The following NBEA variants were observed in gnomAD, a reference collection of about 807,000 sequenced individuals.
NBEA encodes the protein lysosomal-trafficking regulator 2.
NBEA carries 44 observed loss-of-function variants against 343.4 expected under a neutral mutation model. The observed-to-expected ratio is 0.13, with a 90% confidence interval of 0.10 to 0.16. The LOEUF (loss-of-function observed/expected upper bound fraction) is 0.16, where lower values mean the gene tolerates loss of function less well. NBEA is among the 10% of genes least tolerant of loss of function. NBEA has a pLI of 1.00. For missense variants in NBEA, 2,555 were observed against 3,631.3 expected, an observed-to-expected ratio of 0.70 and a Z score of 7.62; for synonymous variants, 1,175 against 1,238.7, an observed-to-expected ratio of 0.95 and a Z score of 1.08.
At chr13:35,560,836 GC>G (rs1192631276) in intron 44 of NBEA, among the ~76,000 whole-genome samples, 1 of 152,136 alleles carries the variant, frequency 6.6e-6, no homozygotes, top group African/African-American at 2.4e-5. Flanking sequence ...AACACCACCA[GC>G]CATGAACACC....
At chr13:35,099,921 T>A (rs982233705) in intron 11 of NBEA, among the ~76,000 whole-genome samples, 1 of 152,140 alleles carries the variant, frequency 6.6e-6, no homozygotes, top group African/African-American at 2.4e-5. Context: ...AATACCTATG[T>A]CTTTTATTAG....
At chr13:35,372,198 G>A (rs984659176) in intron 38 of NBEA, among the ~76,000 whole-genome samples, 19 of 152,130 alleles carry the variant, frequency 1.2e-4, no homozygotes, top group Non-Finnish European at 2.9e-5. Flanking sequence ...TATGAGTGAT[G>A]GTAATAATAA....
In NBEA at chr13:35,587,313, A is replaced by G. The variant is rs113240935; in HGVS notation, c.7176+3275A>G. On this transcript the variant is annotated intron_variant, in intron 46 of 58. Transcript: ENST00000379939. ...TAAGCTACACAGTCAATTTGAGTTC[A>G]TCAGGTTAGTCCACATGGAACTCTC... 5.1e-3 allele frequency among the ~76,000 whole-genome samples: 780 copies of G among 152,336 alleles called. 5 individuals carry two copies. The highest frequency in any genetic ancestry group is 0.018 in the African/African-American group (744 of 41,566).
intron 47 of NBEA, among the ~76,000 whole-genome samples, chr13:35,598,941 T>G (rs2081926131): frequency 6.6e-6 from 1 of 152,182 alleles, no homozygotes; most frequent in Non-Finnish European, 1.5e-5. Flanking sequence ...CTTCCTGAGT[T>G]CATCTCTCTC....
chr13:35,200,093 A>G (rs1424710900), intron 31 of NBEA, among the ~76,000 whole-genome samples: 1 of 152,018 alleles, frequency 6.6e-6, no homozygotes, highest in African/African-American at 2.4e-5. Context: ...GCAGAGAGAA[A>G]TATTTATGAT....
chr13:35,020,052 T>A lies in NBEA; in HGVS notation c.295-20881T>A, dbSNP rs531572214. 1.5e-4 allele frequency among the ~76,000 whole-genome samples: 23 copies of A among 152,250 alleles called. No individual in the cohort carries two copies. In the South Asian group the frequency reaches 4.1e-3, roughly 27 times the overall value. On this transcript the variant is annotated intron_variant, in intron 1 of 58. Transcript: ENST00000379939. ...TAGTTATATTTTTTCTTTGACTTATTTTGAGTATAACATGCTCTTCTTTTA... is the reference window on the plus strand; with the variant it reads ...TAGTTATATTTTTTCTTTGACTTATATTGAGTATAACATGCTCTTCTTTTA...
intron 49 of NBEA, among the ~76,000 whole-genome samples, chr13:35,634,762 A>AT (rs1417577568): frequency 6.6e-6 from 1 of 152,178 alleles, no homozygotes; most frequent in Admixed American, 6.5e-5. Flanking sequence ...AAAATGTGGC[A>AT]TTTTTAGTCT....
At chr13:35,253,924 A>C (rs1395513181) in intron 34 of NBEA, among the ~76,000 whole-genome samples, 1 of 152,122 alleles carries the variant, frequency 6.6e-6, no homozygotes, top group Non-Finnish European at 1.5e-5. Flanking sequence ...TGAAGTTATG[A>C]AGTTCTTTCG....
intron 38 of NBEA, among the ~76,000 whole-genome samples, chr13:35,390,214 C>T (rs113029290): frequency 6.6e-6 from 1 of 151,880 alleles, no homozygotes; most frequent in African/African-American, 2.4e-5. Context: ...GGAAGTGGGA[C>T]TTAAGACCTA....
chr13:35,546,700 G>A (rs906339390), intron 41 of NBEA, among the ~76,000 whole-genome samples: 7 of 151,872 alleles, frequency 4.6e-5, no homozygotes, highest in Non-Finnish European at 7.4e-5. Flanking sequence ...TTACAGGCAT[G>A]TGCAACCATG....
At chr13:35,120,082 A>G (rs1048917789) in intron 16 of NBEA, among the ~76,000 whole-genome samples, 1 of 152,218 alleles carries the variant, frequency 6.6e-6, no homozygotes, top group African/African-American at 2.4e-5. Flanking sequence ...ATTACTTGAT[A>G]AATTTAGTGA....
At chr13:35,628,013 A>G (rs1400748713) in intron 48 of NBEA, 68 bp from the exon 49 acceptor site, 14 of 1,230,852 alleles carry the variant, frequency 1.1e-5, no homozygotes, top group Non-Finnish European at 1.6e-5. Flanking sequence ...AAAGTAAAAA[A>G]AAAATAAAAG....
chr13:35,107,379 G>C (rs543135856), intron 11 of NBEA, among the ~76,000 whole-genome samples: 5 of 151,582 alleles, frequency 3.3e-5, no homozygotes, highest in Admixed American at 6.6e-5. Context: ...GAATTTTGTA[G>C]GCTATTGCTT....
chr13:34,962,899 T>C (rs146052530), intron 1 of NBEA, among the ~76,000 whole-genome samples: 143 of 152,170 alleles, frequency 9.4e-4, no homozygotes, highest in Middle Eastern at 3.4e-3. Flanking sequence ...AGGGGCACCA[T>C]ATTTTAAACA....
rs141652285 is a variant in NBEA at position 35,436,400 on chromosome 13, A to G, written c.6304+4007A>G. 2.3e-3 allele frequency among the ~76,000 whole-genome samples: 352 copies of G among 152,264 alleles called. 3 individuals are homozygous for G. The highest frequency in any genetic ancestry group is 0.019 in the Admixed American group (283 of 15,292). On this transcript the variant is annotated intron_variant, in intron 39 of 58. Coordinates refer to ENST00000379939, the MANE Select transcript of NBEA (RefSeq NM_001385012.1). Reference sequence around the variant, plus strand: ...TGTGTTAAATAATGACACTATTTCAATTTCCCTGTTGTTAAATTCTACTGT... The same window carrying G: ...TGTGTTAAATAATGACACTATTTCAGTTTCCCTGTTGTTAAATTCTACTGT...
chr13:35,566,983 T>C lies in NBEA; in HGVS notation c.7001T>C (p.Leu2334Pro), dbSNP rs767087202. 6.2e-7 allele frequency: 1 copy of C among 1,610,980 alleles called. No individual in the cohort carries two copies. Among genetic ancestry groups the C allele is most frequent in the South Asian group, 1.1e-5 (1 of 90,972 alleles). The change falls in exon 45 of 59, where the codon CTG becomes CCG. Residue 2334 changes from leucine (L) to proline (P), a missense_variant. Physicochemically the swap from Leu to Pro is moderately conservative, Grantham distance 98. Transcript: ENST00000379939. ...LTNYESEELDLTLPGNFRDLS... is the reference protein window; with the variant it reads ...LTNYESEELDPTLPGNFRDLS... ...AACTATGAATCAGAAGAGTTGGACC[T>C]GACTCTTCCAGGAAACTTCAGGGAT...
At chr13:35,595,886 C>A (rs1393037246) in intron 47 of NBEA, among the ~76,000 whole-genome samples, 2 of 151,900 alleles carry the variant, frequency 1.3e-5, no homozygotes, top group Admixed American at 1.3e-4. Context: ...TTTTAGTTTG[C>A]ATTTTTTTTT....
intron 38 of NBEA, among the ~76,000 whole-genome samples, chr13:35,366,663 G>A (rs984100915): frequency 2.7e-5 from 4 of 148,528 alleles, no homozygotes; most frequent in African/African-American, 5.0e-5. Flanking sequence ...ACTACAGTAC[G>A]TTCCTCTTTC....
intron 1 of NBEA, among the ~76,000 whole-genome samples, chr13:34,947,432 C>G (rs953009401): frequency 6.6e-6 from 1 of 152,086 alleles, no homozygotes; most frequent in African/African-American, 2.4e-5. Context: ...TTGGGTCTAA[C>G]AGACCCAGTG....
Sources: allele counts gnomAD v4.1 joint callset (sites outside exome capture counted in the v4.1 genomes callset), GRCh38; gene constraint gnomAD v4.1.1; transcripts MANE v1.5; gene names NCBI Gene and HGNC (gene_info 2026-07-23, HGNC 2026-07-21).